The following GLIPR1L2 variants were observed in gnomAD, a reference collection of about 807,000 sequenced individuals.
The protein encoded by GLIPR1L2 is GLIPR1-like protein 2.
A neutral mutation model predicts 28.4 loss-of-function variants in GLIPR1L2; 21 were observed. The ratio of observed to expected loss-of-function variants is 0.74; its 90% CI spans 0.52 to 1.06. GLIPR1L2 has a LOEUF of 1.06. Ranked by LOEUF, GLIPR1L2 falls within the 50% of genes least tolerant of loss-of-function variation. The probability of loss-of-function intolerance (pLI) is 0.00; values close to 1 mark genes in which losing one functional copy is unlikely to be tolerated. For synonymous variants in GLIPR1L2, 145 were observed against 139.3 expected, an observed-to-expected ratio of 1.04 and a Z score of -0.29; for missense variants, 476 against 416.9, an observed-to-expected ratio of 1.14 and a Z score of -1.23.
chr12:75,407,262 TAAC>T (rs2045812883), intron 1 of GLIPR1L2, among the ~76,000 whole-genome samples: 2 of 152,278 alleles, frequency 1.3e-5, no homozygotes, highest in South Asian at 4.1e-4. Context: ...ATTACTGTGT[TAAC>T]AAGTGTCATG....
chr12:75,417,572 CAG>C (rs1317154135), intron 3 of GLIPR1L2, among the ~76,000 whole-genome samples: 1 of 151,726 alleles, frequency 6.6e-6, no homozygotes, highest in Admixed American at 6.6e-5. Flanking sequence ...AAATTTTTCT[CAG>C]AAACACAAAG....
chr12:75,399,646 T>C (rs1286818728), intron 1 of GLIPR1L2, among the ~76,000 whole-genome samples: 1 of 152,226 alleles, frequency 6.6e-6, no homozygotes, highest in Non-Finnish European at 1.5e-5. Flanking sequence ...CCTTCGTCTT[T>C]GGTATGAGTT....
chr12:75,431,100 AAGAG>A lies in GLIPR1L2; in HGVS notation c.981_984del (p.Glu328ArgfsTer34), dbSNP rs759365647. On this transcript the variant is annotated frameshift_variant, in exon 6 of 6. Transcript: ENST00000550916. LOFTEE classifies it low-confidence loss of function (END_TRUNC). Reference sequence around the variant, plus strand: ...ATAATGGAAATGGAGGAGGAAAAAGAAGAGAGAGAGGAGGAGGAGGAGGAAACAC... The same window carrying A: ...ATAATGGAAATGGAGGAGGAAAAAGAAGAGAGGAGGAGGAGGAGGAAACAC... 2 of 1,169,018 alleles carry A rather than the reference AAGAG, an allele frequency of 1.7e-6. No individual in the cohort carries two copies. The highest frequency in any genetic ancestry group is 2.5e-5 in the East Asian group (1 of 39,266). 72.4% of individuals were successfully genotyped at this position (1,169,018 alleles called of 1,614,324 possible).
At chr12:75,396,433 C>G (rs538306391) in intron 1 of GLIPR1L2, among the ~76,000 whole-genome samples, 13 of 152,192 alleles carry the variant, frequency 8.5e-5, no homozygotes, top group Non-Finnish European at 1.8e-4. Context: ...TTGTATTGCA[C>G]TACCACTTTC....
intron 4 of GLIPR1L2, among the ~76,000 whole-genome samples, chr12:75,424,806 T>C (rs2046017004): frequency 6.6e-6 from 1 of 152,074 alleles, no homozygotes; most frequent in Non-Finnish European, 1.5e-5. Flanking sequence ...CACCCTAACA[T>C]TTCTGCTCTT....
chr12:75,416,580 G>A (rs1448616204), intron 3 of GLIPR1L2, among the ~76,000 whole-genome samples: 1 of 152,100 alleles, frequency 6.6e-6, no homozygotes, highest in African/African-American at 2.4e-5. Context: ...GCCCAAACTG[G>A]TTAACTCTAT....
In GLIPR1L2 at chr12:75,431,042, G is replaced by A; in HGVS notation, c.916G>A (p.Glu306Lys). ...GAATGAAGAGGAGGAAAAAGAGGAA[G>A]AGAAGAAAGAGAAAGAGGAAATGGA... ...AGNEEEEKEE[E>K]KKEKEEMEME... The change falls in exon 6 of 6, where the codon GAG (glutamate) becomes AAG (lysine). Residue 306 changes from glutamate to lysine, a missense_variant. Physicochemically the swap from Glu to Lys is moderately conservative, Grantham distance 56 (BLOSUM62 1). Transcript: ENST00000550916. 1 of 1,487,022 alleles carries A rather than the reference G, an allele frequency of 6.7e-7. No individual in the cohort carries two copies. Among genetic ancestry groups the A allele is most frequent in the Non-Finnish European group, 9.1e-7 (1 of 1,102,664 alleles). The allele number at this position is 1,487,022 out of a possible 1,614,324, so 92.1% of individuals were successfully genotyped here. A position where few individuals can be genotyped will look rare whatever the true frequency, so the allele number is the denominator to read the frequency against.
chr12:75,422,997 A>T lies in GLIPR1L2; in HGVS notation c.670+8A>T. The T allele has an allele frequency of 6.2e-7, 1 of 1,611,208 alleles. No homozygotes were observed. Among genetic ancestry groups the T allele is most frequent in the Non-Finnish European group, 8.5e-7 (1 of 1,178,316 alleles). On this transcript the variant is annotated splice_region_variant and intron_variant, in intron 4 of 5. Coordinates refer to ENST00000550916, the MANE Select transcript of GLIPR1L2 (RefSeq NM_001270396.2). ...GCACAGATTTTCTATGCAGTAAGATAAAGAAAATAAACATGAAAAAAATGC... is the reference window on the plus strand; with the variant it reads ...GCACAGATTTTCTATGCAGTAAGATTAAGAAAATAAACATGAAAAAAATGC...
intron 1 of GLIPR1L2, among the ~76,000 whole-genome samples, chr12:75,396,973 C>T (rs1269101349): frequency 6.6e-6 from 1 of 152,128 alleles, no homozygotes; most frequent in African/African-American, 2.4e-5. Flanking sequence ...TCTTTTTAAT[C>T]TCTGTATCCA....
chr12:75,431,038 G>A lies in GLIPR1L2; in HGVS notation c.912G>A (p.Glu304=). The A allele has an allele frequency of 1.3e-6, 2 of 1,507,426 alleles. No homozygotes were observed. Among genetic ancestry groups the A allele is most frequent in the South Asian group, 1.2e-5 (1 of 83,442 alleles). 93.4% of individuals were successfully genotyped at this position (1,507,426 alleles called of 1,614,324 possible). The change falls in exon 6 of 6, where the codon GAG becomes GAA. Residue 304 remains glutamate, a synonymous_variant. Transcript: ENST00000550916. The stretch of plus-strand genomic sequence containing the variant: ...CAGGGAATGAAGAGGAGGAAAAAGA[G>A]GAAGAGAAGAAAGAGAAAGAGGAAA... ...SEAGNEEEEK[E]EEKKEKEEME... is the part of the protein sequence containing the mutation.
chr12:75,423,414 A>C (rs111586144), intron 4 of GLIPR1L2: 2 of 953,128 alleles, frequency 2.1e-6, no homozygotes, highest in African/African-American at 1.8e-5. Context: ...ATATTTCAAA[A>C]GTAAAAAGTA....
In GLIPR1L2 at chr12:75,398,252, C is replaced by G. The variant is rs563165216; in HGVS notation, c.234+6902C>G. ...GCTGAGGCAGGAGAATCGCTTGAACCCGGGAAGCAGAGGTTGCAGTGAGCT... is the reference window on the plus strand; with the variant it reads ...GCTGAGGCAGGAGAATCGCTTGAACGCGGGAAGCAGAGGTTGCAGTGAGCT... On this transcript the variant is annotated intron_variant, in intron 1 of 5. Coordinates refer to ENST00000550916, the MANE Select transcript of GLIPR1L2 (RefSeq NM_001270396.2). 1.5e-4 allele frequency among the ~76,000 whole-genome samples: 21 copies of G among 143,098 alleles called. No homozygotes were observed. In the East Asian group the frequency reaches 3.2e-3, roughly 22 times the overall value. The allele number at this position is 143,098 out of a possible 152,430, so 93.9% of individuals were successfully genotyped here. A position where few individuals can be genotyped will look rare whatever the true frequency, so the allele number is the denominator to read the frequency against.
chr12:75,400,357 C>A (rs546754438), intron 1 of GLIPR1L2, among the ~76,000 whole-genome samples: 2 of 152,058 alleles, frequency 1.3e-5, no homozygotes, highest in African/African-American at 4.8e-5. Context: ...CTCCTGACCT[C>A]GTGATCCTCC....
intron 2 of GLIPR1L2, among the ~76,000 whole-genome samples, chr12:75,412,042 T>C (rs930574061): frequency 6.6e-6 from 1 of 152,030 alleles, no homozygotes; most frequent in African/African-American, 2.4e-5. Context: ...TATCCTACAA[T>C]AGAATTTTCT....
chr12:75,421,891 T>C (rs1198439743), intron 3 of GLIPR1L2, among the ~76,000 whole-genome samples: 2 of 152,178 alleles, frequency 1.3e-5, no homozygotes, highest in Non-Finnish European at 2.9e-5. Flanking sequence ...CTACAGATAC[T>C]TAATATATCA....
chr12:75,396,764 C>G (rs1024999178), intron 1 of GLIPR1L2, among the ~76,000 whole-genome samples: 28 of 152,284 alleles, frequency 1.8e-4, no homozygotes, highest in African/African-American at 6.0e-4. Flanking sequence ...ACCCAGTACT[C>G]TGTATTTTAA....
intron 1 of GLIPR1L2, among the ~76,000 whole-genome samples, chr12:75,404,889 G>C (rs1376652048): frequency 2.0e-5 from 3 of 150,394 alleles, no homozygotes; most frequent in African/African-American, 7.5e-5. Flanking sequence ...TAAATTAATA[G>C]ATATTCATTG....
rs144697026 is a variant in GLIPR1L2, at chr12:75,430,503, G to A, written c.671-212G>A. 2.7e-3 allele frequency among the ~76,000 whole-genome samples: 409 copies of A among 152,218 alleles called. 2 individuals carry two copies. Among genetic ancestry groups the A allele is most frequent in the African/African-American group, 9.4e-3 (392 of 41,538 alleles). On this transcript the variant is annotated intron_variant, in intron 4 of 5. Coordinates refer to ENST00000550916, the MANE Select transcript of GLIPR1L2 (RefSeq NM_001270396.2). ...AGCACTAGAATGCATATCTCTTTAC[G>A]CATATATTTCCATACTTTCTGTAGC...
In GLIPR1L2 at chr12:75,410,502, T is replaced by G. The variant is rs2045855235; in HGVS notation, c.303T>G (p.Ile101Met). Residue 101 changes from isoleucine (I) to methionine (M), a missense_variant, in exon 2 of 6, where the codon ATT (isoleucine) becomes ATG (methionine). Transcript: ENST00000550916. ...AAAAATGTTTGTTTACGCATAATAT[T>G]TATTTACAAGATGTACAAATGGTCC... ...WGKKCLFTHN[I>M]YLQDVQMVHP... The G allele has an allele frequency of 1.2e-6, 2 of 1,611,160 alleles. No homozygotes were observed. Among genetic ancestry groups the G allele is most frequent in the Non-Finnish European group, 8.5e-7 (1 of 1,178,368 alleles).
Sources: allele counts gnomAD v4.1 joint callset (sites outside exome capture counted in the v4.1 genomes callset), GRCh38; gene constraint gnomAD v4.1.1; transcripts MANE v1.5; gene names NCBI Gene and HGNC (gene_info 2026-07-23, HGNC 2026-07-21).